Variants in NUBPL observed in about 807,000 individuals in gnomAD.
The protein encoded by NUBPL is NUBP iron-sulfur cluster assembly factor, mitochondrial, also known as iron-sulfur cluster transfer protein NUBPL.
Under a neutral mutation model 45.7 loss-of-function variants are expected in NUBPL, and 31 were observed. The ratio of observed to expected loss-of-function variants is 0.68; its 90% CI spans 0.51 to 0.92. The LOEUF (loss-of-function observed/expected upper bound fraction) is 0.92, where lower values mean the gene tolerates loss of function less well. Ranked by LOEUF, NUBPL falls within the 40% of genes least tolerant of loss-of-function variation. The pLI is 0.00. For missense variants in NUBPL, 401 were observed against 398.7 expected (o/e 1.01, Z -0.05); for synonymous variants, 144 against 140.9 (o/e 1.02, Z -0.15).
chr14:31,720,960 G>C (rs892679117), intron 6 of NUBPL, among the ~76,000 whole-genome samples: 1 of 152,156 alleles, frequency 6.6e-6, no homozygotes, highest in Non-Finnish European at 1.5e-5. Flanking sequence ...CATAGTAAGT[G>C]AGGGACACCA....
intron 6 of NUBPL, among the ~76,000 whole-genome samples, chr14:31,730,881 AT>A (rs537835739): frequency 1.1e-4 from 17 of 150,568 alleles, no homozygotes; most frequent in African/African-American, 3.4e-4. Context: ...GTGTCAGTTT[AT>A]TTTTTTTTTA....
intron 8 of NUBPL, among the ~76,000 whole-genome samples, chr14:31,842,945 T>C (rs1288126766): frequency 6.6e-6 from 1 of 152,196 alleles, no homozygotes; most frequent in African/African-American, 2.4e-5. Context: ...ATCCTAATGT[T>C]TTCTTTTTAC....
intron 6 of NUBPL, among the ~76,000 whole-genome samples, chr14:31,694,606 C>G (rs1208769892): frequency 6.6e-6 from 1 of 152,178 alleles, no homozygotes; most frequent in East Asian, 1.9e-4. Flanking sequence ...ACCTCCGCCT[C>G]CTGGGTTCAA....
At chr14:31,711,902 A>G (rs2037580132) in intron 6 of NUBPL, among the ~76,000 whole-genome samples, 1 of 151,762 alleles carries the variant, frequency 6.6e-6, no homozygotes, top group South Asian at 2.1e-4. Context: ...TCCCGTCTGG[A>G]GTTGTTCATC....
intron 7 of NUBPL, among the ~76,000 whole-genome samples, chr14:31,816,882 G>A (rs1360859414): frequency 6.6e-6 from 1 of 152,040 alleles, no homozygotes; most frequent in Non-Finnish European, 1.5e-5. Context: ...TGATTGCACT[G>A]TGGTCTGAGA....
intron 4 of NUBPL, among the ~76,000 whole-genome samples, chr14:31,663,074 C>A (rs2036313835): frequency 2.6e-5 from 4 of 152,178 alleles, no homozygotes; most frequent in Admixed American, 2.6e-4. Flanking sequence ...CCTTCACCCA[C>A]TTTTTGATGG....
At chr14:31,800,544 G>A (rs980837449) in intron 7 of NUBPL, among the ~76,000 whole-genome samples, 7 of 152,274 alleles carry the variant, frequency 4.6e-5, no homozygotes, top group East Asian at 3.9e-4. Flanking sequence ...AAAATGGCAC[G>A]GGTAGACTTG....
At chr14:31,703,112 TG>T (rs1256008814) in intron 6 of NUBPL, 1 of 152,216 alleles carries the variant, frequency 6.6e-6, no homozygotes, top group African/African-American at 2.4e-5. Context: ...ATATTCTTTT[TG>T]CAGGAGGAGA....
At chr14:31,773,472 A>G (rs1470494663) in intron 6 of NUBPL, among the ~76,000 whole-genome samples, 3 of 152,206 alleles carry the variant, frequency 2.0e-5, no homozygotes, top group African/African-American at 7.2e-5. Flanking sequence ...TTTAGGGAGC[A>G]TAAACTGAAG....
chr14:31,591,660 T>G (rs1485978943), intron 3 of NUBPL, among the ~76,000 whole-genome samples: 1 of 152,078 alleles, frequency 6.6e-6, no homozygotes, highest in Admixed American at 6.5e-5. Flanking sequence ...TTTTAAGCTA[T>G]ATATTATTGT....
intron 6 of NUBPL, among the ~76,000 whole-genome samples, chr14:31,781,441 T>C (rs893158827): frequency 6.6e-6 from 1 of 152,200 alleles, no homozygotes; most frequent in African/African-American, 2.4e-5. Context: ...GGATAAAATA[T>C]TGCTTTTCTA....
chr14:31,810,368 G>A (rs544934545), intron 7 of NUBPL, among the ~76,000 whole-genome samples: 183 of 152,258 alleles, frequency 1.2e-3, no homozygotes, highest in Non-Finnish European at 2.3e-3. Context: ...TTACCATTAT[G>A]TAATGGCCGT....
At chr14:31,614,312 C>T (rs1321855720) in intron 4 of NUBPL, among the ~76,000 whole-genome samples, 1 of 152,116 alleles carries the variant, frequency 6.6e-6, no homozygotes, top group Non-Finnish European at 1.5e-5. Context: ...GCAAGAATAG[C>T]AACTAAAAAT....
At chr14:31,803,465 A>AGCTCT (rs1566570707) in intron 7 of NUBPL, among the ~76,000 whole-genome samples, 1 of 151,488 alleles carries the variant, frequency 6.6e-6, no homozygotes, top group Non-Finnish European at 1.5e-5. Flanking sequence ...ATGACCTCAA[A>AGCTCT]ATGTAGCTCT....
intron 4 of NUBPL, among the ~76,000 whole-genome samples, chr14:31,634,788 G>C (rs1595401254): frequency 1.3e-5 from 2 of 150,800 alleles, no homozygotes; most frequent in African/African-American, 4.9e-5. Context: ...ATTCTAACTG[G>C]TGTGAGATGG....
chr14:31,789,147 A>AT (rs2039334791), intron 7 of NUBPL, among the ~76,000 whole-genome samples: 1 of 152,074 alleles, frequency 6.6e-6, no homozygotes, highest in Admixed American at 6.6e-5. Context: ...TAACATGGTG[A>AT]AACCACATCT....
At chr14:31,604,088 A>C (rs2034518138) in intron 4 of NUBPL, among the ~76,000 whole-genome samples, 1 of 151,898 alleles carries the variant, frequency 6.6e-6, no homozygotes. Flanking sequence ...TGTTTTACTG[A>C]AGCTATAATC....
chr14:31,588,913 C>CG (rs1378465554), intron 3 of NUBPL, among the ~76,000 whole-genome samples: 1 of 121,788 alleles, frequency 8.2e-6, no homozygotes, highest in Non-Finnish European at 1.6e-5. Flanking sequence ...GACTCCGTCT[C>CG]AAAAAAAAAA....
intron 6 of NUBPL, among the ~76,000 whole-genome samples, chr14:31,745,253 C>T (rs2140007347): frequency 6.6e-6 from 1 of 152,100 alleles, no homozygotes; most frequent in South Asian, 2.1e-4. Flanking sequence ...TTCCTGTGTC[C>T]AAATGTTCTC....
Sources: gnomAD v4.1 joint callset for allele counts (sites outside exome capture counted in the v4.1 genomes callset) on GRCh38, gnomAD v4.1.1 for gene constraint, MANE v1.5 for transcripts, NCBI Gene and HGNC (gene_info 2026-07-23, HGNC 2026-07-21) for gene names.